The following GRID1 variants were observed in gnomAD, a reference collection of about 807,000 sequenced individuals.
The protein encoded by GRID1 is glutamate receptor ionotropic, delta-1.
GRID1 carries 28 observed loss-of-function variants against 98.0 expected under a neutral mutation model. The ratio of observed to expected loss-of-function variants is 0.29; its 90% CI spans 0.21 to 0.39. The LOEUF is 0.39. Ranked by LOEUF, GRID1 falls within the 10% of genes least tolerant of loss-of-function variation. The pLI is 1.00. For missense variants in GRID1, 1,111 were observed against 1,340.5 expected (o/e 0.83, Z 2.67); for synonymous variants, 553 against 538.5 (o/e 1.03, Z -0.37).
chr10:85,920,602 C>T (rs1841689170), intron 4 of GRID1, among the ~76,000 whole-genome samples: 1 of 152,204 alleles, frequency 6.6e-6, no homozygotes, highest in Non-Finnish European at 1.5e-5. Flanking sequence ...AAGTGGTGGG[C>T]ACCACCACCT....
In GRID1 at chr10:85,963,719, C is replaced by T. The variant is rs182898395; in HGVS notation, c.727-47480G>A. Among the ~76,000 whole-genome samples, 216 of 152,312 alleles carry T rather than the reference C, an allele frequency of 1.4e-3. 2 individuals are homozygous for T. The Middle Eastern group carries it at 0.024, about 17-fold the overall frequency. ...GATATAGCCACTACATTCCTTGAGCCATTACTTCACCCTGGTCATCCTTCT... is the reference window on the plus strand; with the variant it reads ...GATATAGCCACTACATTCCTTGAGCTATTACTTCACCCTGGTCATCCTTCT... On this transcript the variant is annotated intron_variant, in intron 4 of 15. Transcript: ENST00000327946.
At chr10:85,715,906 C>CTTTTTT (rs55700928) in intron 12 of GRID1, among the ~76,000 whole-genome samples, 1 of 147,234 alleles carries the variant, frequency 6.8e-6, no homozygotes. Context: ...TAGAACTAAC[C>CTTTTTT]TTTTTTTTTT....
intron 8 of GRID1, among the ~76,000 whole-genome samples, chr10:85,825,785 G>T (rs561934216): frequency 2.4e-4 from 37 of 152,114 alleles, no homozygotes; most frequent in Middle Eastern, 3.4e-3. Context: ...GGAAAAAATA[G>T]TAAAAAACAA....
In GRID1 at chr10:85,773,058, G is replaced by C. The variant is rs191552991; in HGVS notation, c.1234-43444C>G. ...TAGACCAATATCCTTGATGAACATTGATGCAAAAATCCTCAATAAAATACT... is the reference window on the plus strand; with the variant it reads ...TAGACCAATATCCTTGATGAACATTCATGCAAAAATCCTCAATAAAATACT... On this transcript the variant is annotated intron_variant, in intron 8 of 15. Coordinates refer to ENST00000327946, the MANE Select transcript of GRID1 (RefSeq NM_017551.3). Among the ~76,000 whole-genome samples, 3 of 152,266 alleles carry C rather than the reference G, an allele frequency of 2.0e-5. No individual in the cohort carries two copies. In the East Asian group the frequency reaches 5.8e-4, roughly 29 times the overall value.
At chr10:85,722,251 G>A (rs1329725904) in intron 12 of GRID1, among the ~76,000 whole-genome samples, 2 of 152,128 alleles carry the variant, frequency 1.3e-5, no homozygotes, top group East Asian at 1.9e-4. Flanking sequence ...AAGGCAGTGA[G>A]TCAAAAAACC....
Position 86,359,440 on chromosome 10 carries a change from G to A in GRID1, c.235+4501C>T, listed in dbSNP as rs115315042. On this transcript the variant is annotated intron_variant, in intron 2 of 15. Coordinates refer to ENST00000327946, the MANE Select transcript of GRID1 (RefSeq NM_017551.3). Reference sequence around the variant, plus strand: ...CTAGGAGGTAACGGATATAAACTGAGCAAGGCCTCCAGATGGGCACCAACA... The same window carrying A: ...CTAGGAGGTAACGGATATAAACTGAACAAGGCCTCCAGATGGGCACCAACA... Among the ~76,000 whole-genome samples, 851 of 152,238 alleles carry A rather than the reference G, an allele frequency of 5.6e-3. 6 individuals are homozygous for A. Among genetic ancestry groups the A allele is most frequent in the African/African-American group, 0.019 (807 of 41,528 alleles).
intron 13 of GRID1, among the ~76,000 whole-genome samples, chr10:85,620,867 T>C (rs11813435): frequency 2.0e-5 from 3 of 152,210 alleles, no homozygotes; most frequent in African/African-American, 7.2e-5. Context: ...CATGCATATA[T>C]GTTTGTACAC....
In GRID1 at chr10:86,211,969, C is replaced by G. The variant is rs749481069; in HGVS notation, c.236-5321G>C. Among the ~76,000 whole-genome samples the G allele has an allele frequency of 1.2e-4, 19 of 152,286 alleles. No homozygotes were observed. The South Asian group carries it at 3.9e-3, about 32-fold the overall frequency. ...GCAGGCAGGAACAAGGCCTGTCTCCCCTGAAAGCAGATCCTTGACTCATCA... is the reference window on the plus strand; with the variant it reads ...GCAGGCAGGAACAAGGCCTGTCTCCGCTGAAAGCAGATCCTTGACTCATCA... On this transcript the variant is annotated intron_variant, in intron 2 of 15. Coordinates refer to ENST00000327946, the MANE Select transcript of GRID1 (RefSeq NM_017551.3).
intron 4 of GRID1, among the ~76,000 whole-genome samples, chr10:86,102,909 T>C (rs940036933): frequency 6.6e-6 from 1 of 152,090 alleles, no homozygotes; most frequent in South Asian, 2.1e-4. Flanking sequence ...GTTGTTCTTG[T>C]GATAGTGAAT....
At chr10:85,733,419 A>G (rs1361157208) in intron 8 of GRID1, among the ~76,000 whole-genome samples, 1 of 152,220 alleles carries the variant, frequency 6.6e-6, no homozygotes, top group East Asian at 1.9e-4. Context: ...TAACTGGAGA[A>G]GAAGATGGGA....
At chr10:85,724,751 C>G in intron 10 of GRID1, 75 bp from the exon 11 acceptor site, 3 of 1,222,574 alleles carry the variant, frequency 2.5e-6, no homozygotes, top group Non-Finnish European at 3.5e-6. Context: ...TCAAGGTCCA[C>G]CCTCTGTCCT....
rs755599232 is a variant in GRID1 at position 85,613,311 on chromosome 10, T to G, written c.2601+96A>C. ...CTGCCTCCAGACAAGATGACTCAGGTAAATACTAACTAGAAACAACCTGCC... is the reference window on the plus strand; with the variant it reads ...CTGCCTCCAGACAAGATGACTCAGGGAAATACTAACTAGAAACAACCTGCC... On this transcript the variant is annotated intron_variant, in intron 15 of 15. Coordinates refer to ENST00000327946, the MANE Select transcript of GRID1 (RefSeq NM_017551.3). 3.2e-6 allele frequency: 4 copies of G among 1,232,984 alleles called. No individual in the cohort carries two copies. In the Middle Eastern group the frequency reaches 8.6e-4, roughly 265 times the overall value. 76.4% of individuals were successfully genotyped at this position (1,232,984 alleles called of 1,614,324 possible).
intron 2 of GRID1, among the ~76,000 whole-genome samples, chr10:86,332,051 A>G (rs1343748903): frequency 1.3e-5 from 2 of 152,190 alleles, no homozygotes; most frequent in Non-Finnish European, 2.9e-5. Context: ...ACACCACAGC[A>G]CCTGCCAATG....
chr10:85,733,569 G>A (rs1841848031), intron 8 of GRID1, among the ~76,000 whole-genome samples: 1 of 152,126 alleles, frequency 6.6e-6, no homozygotes, highest in Non-Finnish European at 1.5e-5. Flanking sequence ...AAATATTTTT[G>A]TATACAAAAA....
At position 85,724,365 on chromosome 10, in the gene GRID1, G is replaced by T; in HGVS notation, c.1845C>A (p.Ala615=). 6.2e-7 allele frequency: 1 copy of T among 1,612,856 alleles called. No individual in the cohort carries two copies. Among genetic ancestry groups the T allele is most frequent in the South Asian group, 1.1e-5 (1 of 91,046 alleles). Reference sequence around the variant, plus strand: ...CCAGAAAGGTACCTTGCTGTACGAAGGCTCCATAGACAATCCAGATGGCGC... The same window carrying T: ...CCAGAAAGGTACCTTGCTGTACGAATGCTCCATAGACAATCCAGATGGCGC... The part of the protein sequence containing the change: ...LHSAIWIVYG[A]FVQQGGESSV... The change falls in exon 11 of 16, where the codon GCC becomes GCA. Residue 615 remains alanine (A), a synonymous_variant. Transcript: ENST00000327946.
At chr10:86,185,074 G>T (rs1564700545) in intron 3 of GRID1, among the ~76,000 whole-genome samples, 1 of 152,208 alleles carries the variant, frequency 6.6e-6, no homozygotes, top group East Asian at 1.9e-4. Flanking sequence ...AATTTGGGGA[G>T]AACTAATATT....
At chr10:86,282,146 G>A (rs778025434) in intron 2 of GRID1, among the ~76,000 whole-genome samples, 5 of 152,202 alleles carry the variant, frequency 3.3e-5, no homozygotes, top group Non-Finnish European at 7.3e-5. Context: ...CATGGCTACT[G>A]GAAGAATGAA....
rs137956209 is a variant in GRID1 at position 86,350,008 on chromosome 10, C to T, written c.235+13933G>A. Among the ~76,000 whole-genome samples the T allele has an allele frequency of 2.4e-4, 36 of 152,340 alleles. No homozygotes were observed. The East Asian group carries it at 6.8e-3, about 29-fold the overall frequency. ...CCCTACTTGGAGCCAAGGGGAGCTT[C>T]TCTGAGGAGGTAAGATCAGAGGCAT... On this transcript the variant is annotated intron_variant, in intron 2 of 15. Coordinates refer to ENST00000327946, the MANE Select transcript of GRID1 (RefSeq NM_017551.3).
chr10:85,667,507 AT>A (rs1841035179), intron 12 of GRID1, among the ~76,000 whole-genome samples: 1 of 152,214 alleles, frequency 6.6e-6, no homozygotes. Context: ...CCCTATTATT[AT>A]TCTCAGTCTA....
Sources: gnomAD v4.1 joint callset for allele counts (sites outside exome capture counted in the v4.1 genomes callset) on GRCh38, gnomAD v4.1.1 for gene constraint, MANE v1.5 for transcripts, NCBI Gene and HGNC (gene_info 2026-07-23, HGNC 2026-07-21) for gene names.